THTPA: variants seen among roughly 807,000 people sequenced by gnomAD.
THTPA encodes thiamine triphosphatase, also known as thiamine-triphosphatase.
A neutral mutation model predicts 16.5 loss-of-function variants in THTPA; 16 were observed. The ratio of observed to expected loss-of-function variants is 0.97; its 90% confidence interval spans 0.66 to 1.47. The LOEUF (loss-of-function observed/expected upper bound fraction) is 1.47, where lower values mean the gene tolerates loss of function less well. THTPA is among the 40% of genes most tolerant of loss of function. The probability of loss-of-function intolerance (pLI) is 0.00; values close to 1 mark genes in which losing one functional copy is unlikely to be tolerated. For synonymous variants in THTPA, 110 were observed against 115.5 expected, an observed-to-expected ratio of 0.95 and a Z score of 0.30; for missense variants, 281 against 280.9, an observed-to-expected ratio of 1.00 and a Z score of 0.00.
chr14:23,531,598 G>T, the THTPA span: 10 of 1,526,072 alleles, frequency 6.6e-6, no homozygotes, highest in Non-Finnish European at 8.8e-6. Context: ...TGGGCATCGC[G>T]GTGGGCAGGT....
the THTPA span, among the ~76,000 whole-genome samples, chr14:23,520,580 C>A: frequency 6.6e-6 from 1 of 152,152 alleles, no homozygotes; most frequent in Non-Finnish European, 1.5e-5. The surrounding 1 kb of genome is among the most constrained non-coding windows in gnomAD (Gnocchi z 8.7). Context: ...GGGGCTATTA[C>A]CTGTCCTGAT....
At chr14:23,539,651 A>G in the THTPA span, among the ~76,000 whole-genome samples, 9 of 152,218 alleles carry the variant, frequency 5.9e-5, no homozygotes, top group African/African-American at 2.2e-4. Flanking sequence ...TCGTGGATTC[A>G]GGCTGGCCGG....
At chr14:23,553,880 C>T (rs373390067), upstream of THTPA, among the ~76,000 whole-genome samples, 17 of 151,758 alleles carry the variant, frequency 1.1e-4, no homozygotes, top group East Asian at 7.8e-4. Flanking sequence ...GGCGACAAAG[C>T]GAGACTCCGT....
At position 23,556,623 on chromosome 14, in the gene THTPA, T is replaced by G; in HGVS notation, c.-135T>G. 2 of 877,072 alleles carry G rather than the reference T, an allele frequency of 2.3e-6. No individual in the cohort carries two copies. Among genetic ancestry groups the G allele is most frequent in the Non-Finnish European group, 3.4e-6 (2 of 584,634 alleles). 54.3% of individuals were successfully genotyped at this position (877,072 alleles called of 1,614,324 possible). On this transcript the variant is annotated 5_prime_UTR_variant, in exon 1 of 2. Coordinates refer to ENST00000288014, the MANE Select transcript of THTPA (RefSeq NM_024328.6). ...AGAAAAGGGCAGTAGCCCTAGAGAC[T>G]ATTGCGACACAGTGTGCCCCTCATA...
At chr14:23,512,458 G>A in the THTPA span, among the ~76,000 whole-genome samples, 1 of 151,940 alleles carries the variant, frequency 6.6e-6, no homozygotes, top group Non-Finnish European at 1.5e-5. Context: ...TGCTCCGGAA[G>A]TAGAAGAGGA....
the THTPA span, chr14:23,527,901 CTTTTTTTTT>C: frequency 2.7e-5 from 12 of 448,954 alleles, no homozygotes; most frequent in Admixed American, 4.0e-5. Flanking sequence ...GCCCCCACTC[CTTTTTTTTT>C]TTTTTTTTTT....
At chr14:23,555,252 G>T (rs1320457546), upstream of THTPA, among the ~76,000 whole-genome samples, 1 of 152,140 alleles carries the variant, frequency 6.6e-6, no homozygotes, top group Non-Finnish European at 1.5e-5. Flanking sequence ...ACCTGCCTCG[G>T]CTTCCCAAAG....
chr14:23,527,548 T>G, the THTPA span: 1 of 1,530,380 alleles, frequency 6.5e-7, no homozygotes, highest in Non-Finnish European at 8.8e-7. Flanking sequence ...CTTCCTCCCC[T>G]CCTGCACAGC....
chr14:23,534,138 G>T, the THTPA span: 1 of 1,475,800 alleles, frequency 6.8e-7, no homozygotes, highest in Non-Finnish European at 9.0e-7. This position sits in a 1 kb window ranked among gnomAD's most constrained non-coding sequence, Gnocchi z 4.5. Context: ...CCCCCTCCTT[G>T]GAGGTGGGTG....
chr14:23,526,428 T>G, the THTPA span: 1 of 1,536,152 alleles, frequency 6.5e-7, no homozygotes, highest in Non-Finnish European at 8.7e-7. Flanking sequence ...TTCCGATAGG[T>G]CAGAGGGTGG....
the THTPA span, among the ~76,000 whole-genome samples, chr14:23,517,958 CT>C: frequency 6.6e-6 from 1 of 152,202 alleles, no homozygotes; most frequent in Non-Finnish European, 1.5e-5. Flanking sequence ...CTCACTTTCT[CT>C]GTTTATAAGC....
chr14:23,546,636 A>G, the THTPA span, among the ~76,000 whole-genome samples: 53 of 152,292 alleles, frequency 3.5e-4, no homozygotes, highest in South Asian at 1.0e-2. The surrounding 1 kb of genome is among the most constrained non-coding windows in gnomAD (Gnocchi z 4.7). Flanking sequence ...ATGGGCAGGC[A>G]GTTCCCTAGG....
At chr14:23,523,757 C>T in the THTPA span, 1 of 1,536,228 alleles carries the variant, frequency 6.5e-7, no homozygotes. The surrounding 1 kb of genome is among the most constrained non-coding windows in gnomAD (Gnocchi z 4.1). Flanking sequence ...CTGCCCCATT[C>T]CATCTGGAAC....
chr14:23,517,325 G>C, the THTPA span, among the ~76,000 whole-genome samples: 1 of 152,106 alleles, frequency 6.6e-6, no homozygotes, highest in South Asian at 2.1e-4. Context: ...ATGGGCCATG[G>C]TCAAGATCTT....
the THTPA span, chr14:23,522,674 G>C: frequency 6.5e-7 from 1 of 1,536,598 alleles, no homozygotes; most frequent in Non-Finnish European, 8.7e-7. Flanking sequence ...GGCTGGGACA[G>C]TGGTCTTCAA....
At chr14:23,539,811 C>G in the THTPA span, among the ~76,000 whole-genome samples, 38 of 152,314 alleles carry the variant, frequency 2.5e-4, no homozygotes, top group Middle Eastern at 3.4e-3. Flanking sequence ...GGGAATATCA[C>G]CAAGGAGTTG....
the THTPA span, chr14:23,521,425 G>C: frequency 6.5e-6 from 1 of 154,066 alleles, no homozygotes; most frequent in Middle Eastern, 3.4e-3. Context: ...AAAGGGTTAG[G>C]AAGGAGAAGA....
At chr14:23,529,772 A>G in the THTPA span, 1 of 1,536,272 alleles carries the variant, frequency 6.5e-7, no homozygotes, top group Non-Finnish European at 8.7e-7. Context: ...TCTGAAGCTG[A>G]GGATGAAAGA....
At chr14:23,525,994 G>T in the THTPA span, 1 of 1,527,568 alleles carries the variant, frequency 6.5e-7, no homozygotes, top group African/African-American at 1.4e-5. This position sits in a 1 kb window ranked among gnomAD's most constrained non-coding sequence, Gnocchi z 5.9. Flanking sequence ...ATCCAGATAT[G>T]AAGCCACTGG....
Sources: allele counts gnomAD v4.1 joint callset (sites outside exome capture counted in the v4.1 genomes callset), GRCh38; gene constraint gnomAD v4.1.1; non-coding constraint Gnocchi (gnomAD v3.1); transcripts MANE v1.5; gene names NCBI Gene and HGNC (gene_info 2026-07-23, HGNC 2026-07-21).